RGS6: variants seen among roughly 807,000 people sequenced by gnomAD.
The protein encoded by RGS6 is regulator of G protein signaling 6, also known as regulator of G-protein signaling 6.
Under a neutral mutation model 78.5 loss-of-function variants are expected in RGS6, and 30 were observed. The ratio of observed to expected loss-of-function variants is 0.38; its 90% confidence interval spans 0.29 to 0.52. The LOEUF (loss-of-function observed/expected upper bound fraction) is 0.52. RGS6 is among the 20% of genes least tolerant of loss of function. The pLI is 0.85. For synonymous variants in RGS6, 206 were observed against 206.0 expected (o/e 1.00, Z 0.00); for missense variants, 495 against 609.7 (o/e 0.81, Z 1.98).
chr14:72,540,279 A>G, intron 17 of RGS6, 185 bp downstream of exon 17: 1 of 1,524,012 alleles, frequency 6.6e-7, no homozygotes, highest in Non-Finnish European at 8.7e-7. Context: ...AGGGATGAAA[A>G]TGCAAAAAAG....
chr14:72,508,274 T>A (rs10145230), intron 13 of RGS6, among the ~76,000 whole-genome samples: 2,073 of 152,260 alleles, frequency 0.014, 43 homozygotes, highest in African/African-American at 0.047. Flanking sequence ...GGTGAAGAAG[T>A]AGTTGGGTTT....
chr14:72,176,333 G>A (rs2097104707), intron 2 of RGS6, among the ~76,000 whole-genome samples: 1 of 152,166 alleles, frequency 6.6e-6, no homozygotes, highest in African/African-American at 2.4e-5. Context: ...TGTGCTTTAG[G>A]GGGTCTCTAC....
intron 3 of RGS6, among the ~76,000 whole-genome samples, chr14:72,384,242 G>A (rs945516123): frequency 2.0e-5 from 3 of 152,144 alleles, no homozygotes; most frequent in Non-Finnish European, 2.9e-5. Context: ...GTTGTCACTC[G>A]GTGTGGCCAC....
chr14:72,540,404 T>A, intron 17 of RGS6: 1 of 1,464,274 alleles, frequency 6.8e-7, no homozygotes, highest in Non-Finnish European at 9.0e-7. Flanking sequence ...CTCGGGGCTG[T>A]GCGGTTTGTG....
At chr14:72,160,971 G>T (rs139935589) in intron 2 of RGS6, among the ~76,000 whole-genome samples, 1 of 152,196 alleles carries the variant, frequency 6.6e-6, no homozygotes, top group Non-Finnish European at 1.5e-5. Flanking sequence ...ATTCACAATA[G>T]TGAAGACTTG....
At chr14:71,886,332 A>G in the RGS6 span, among the ~76,000 whole-genome samples, 103,976 of 152,134 alleles carry the variant, frequency 0.68, 37,025 homozygotes, top group African/African-American at 0.89. Flanking sequence ...TGAGAGTAGC[A>G]TCTTTGTTTT....
intron 3 of RGS6, among the ~76,000 whole-genome samples, chr14:72,444,213 A>T (rs1162852743): frequency 4.6e-5 from 7 of 152,056 alleles, no homozygotes; most frequent in Admixed American, 6.5e-5. Context: ...AACCAGGGGA[A>T]CCCATTTCAG....
intron 2 of RGS6, among the ~76,000 whole-genome samples, chr14:72,190,817 C>G (rs540926019): frequency 1.3e-5 from 2 of 152,286 alleles, no homozygotes; most frequent in South Asian, 4.1e-4. Context: ...GCAGAAATTC[C>G]TGATTGTACC....
the RGS6 span, among the ~76,000 whole-genome samples, chr14:72,617,945 T>C: frequency 2.0e-5 from 3 of 152,084 alleles, no homozygotes; most frequent in Admixed American, 1.3e-4. Context: ...ATGTCAGTTA[T>C]TGTGCTGCTG....
chr14:72,484,975 G>A (rs545245974), intron 12 of RGS6, among the ~76,000 whole-genome samples: 20 of 149,952 alleles, frequency 1.3e-4, no homozygotes, highest in African/African-American at 4.9e-4. Context: ...AGGTTCATGG[G>A]GCAGGAGTAT....
chr14:71,989,794 G>A (rs8012646), intron 2 of RGS6, among the ~76,000 whole-genome samples: 5,879 of 152,186 alleles, frequency 0.039, 369 homozygotes, highest in African/African-American at 0.13. Context: ...CTCCAGAGAC[G>A]AATTTCACGT....
chr14:72,313,519 C>T (rs551827127), intron 2 of RGS6, among the ~76,000 whole-genome samples: 1 of 152,336 alleles, frequency 6.6e-6, no homozygotes, highest in Admixed American at 6.5e-5. Flanking sequence ...TTTACTCTTA[C>T]ACTTCCTGCC....
At chr14:71,997,218 G>A (rs1482007640) in intron 2 of RGS6, among the ~76,000 whole-genome samples, 3 of 152,148 alleles carry the variant, frequency 2.0e-5, no homozygotes, top group Non-Finnish European at 4.4e-5. Context: ...TATGAATGAT[G>A]CTCAGGCCTC....
the RGS6 span, among the ~76,000 whole-genome samples, chr14:72,585,492 G>A: frequency 6.6e-6 from 1 of 152,218 alleles, no homozygotes; most frequent in African/African-American, 2.4e-5. Flanking sequence ...CTCAACCAAG[G>A]CCTCATCCAA....
At chr14:72,615,678 C>A in the RGS6 span, among the ~76,000 whole-genome samples, 1 of 152,246 alleles carries the variant, frequency 6.6e-6, no homozygotes, top group East Asian at 1.9e-4. Flanking sequence ...CGGCTTCCTA[C>A]CTCGCCCTGG....
intron 1 of RGS6, 85 bp from the exon 2 acceptor site, chr14:71,964,687 C>A: frequency 1.1e-6 from 1 of 928,922 alleles, no homozygotes. Flanking sequence ...TGGCATCTGC[C>A]AAAAGTTACT....
At chr14:71,869,730 G>T in the RGS6 span, among the ~76,000 whole-genome samples, 2 of 152,146 alleles carry the variant, frequency 1.3e-5, no homozygotes, top group African/African-American at 4.8e-5. Flanking sequence ...AGTTGCCATG[G>T]TTTGAATATT....
At chr14:72,621,752 A>G in the RGS6 span, among the ~76,000 whole-genome samples, 3 of 152,174 alleles carry the variant, frequency 2.0e-5, no homozygotes, top group Admixed American at 6.5e-5. Context: ...CGGCATGGAG[A>G]AAGAAATGGG....
rs574588748 is a variant in RGS6, at chr14:72,365,554, A to G, written c.184+13360A>G. ...GATGGTAGGCATTTCTTGACTTTCC[A>G]TCTCACAAATTAAATTTGTTTGGTG... On this transcript the variant is annotated intron_variant, in intron 3 of 17. Transcript: ENST00000553525. 2.4e-4 allele frequency among the ~76,000 whole-genome samples: 36 copies of G among 152,312 alleles called. 1 individual carries two copies. In the South Asian group the frequency reaches 7.5e-3, roughly 32 times the overall value.
Sources: allele counts gnomAD v4.1 joint callset (sites outside exome capture counted in the v4.1 genomes callset), GRCh38; gene constraint gnomAD v4.1.1; transcripts MANE v1.5; gene names NCBI Gene and HGNC (gene_info 2026-07-23, HGNC 2026-07-21).